NPDC1: variants seen among roughly 807,000 people sequenced by gnomAD.
NPDC1 encodes neural proliferation, differentiation and control 1.
NPDC1 carries 18 observed loss-of-function variants against 32.5 expected under a neutral mutation model. That is an observed-to-expected ratio of 0.55 (90% confidence interval 0.38 to 0.82). NPDC1 has a LOEUF of 0.82. NPDC1 is among the 40% of genes least tolerant of loss of function. The probability of loss-of-function intolerance (pLI) is 0.00; values close to 1 mark genes in which losing one functional copy is unlikely to be tolerated. For synonymous variants in NPDC1, 210 were observed against 184.7 expected (o/e 1.14, Z -1.11); for missense variants, 468 against 406.6 (o/e 1.15, Z -1.30).
chr9:137,040,072 G>T lies in NPDC1; in HGVS notation c.789-5C>A. The T allele has an allele frequency of 1.3e-6, 1 of 777,060 alleles. No individual in the cohort carries two copies. 48.1% of individuals were successfully genotyped at this position (777,060 alleles called of 1,614,324 possible). ...TCCTTGGGTGGCTCTTTATGCCTGGGTGGGGGGGGATCGCTGGGTCCTCCC... is the reference window on the plus strand; with the variant it reads ...TCCTTGGGTGGCTCTTTATGCCTGGTTGGGGGGGGATCGCTGGGTCCTCCC... On this transcript the variant is annotated splice_polypyrimidine_tract_variant and splice_region_variant and intron_variant, in intron 7 of 8. Transcript: ENST00000371601.
At position 137,040,542 on chromosome 9, in the gene NPDC1, G is replaced by A. The variant is rs1162597531; in HGVS notation, c.680C>T (p.Pro227Leu). Residue 227 changes from proline to leucine, a missense_variant, in exon 6 of 9, where the codon CCT becomes CTT. Physicochemically the swap from Pro to Leu is moderately conservative, Grantham distance 98. Coordinates refer to ENST00000371601, the MANE Select transcript of NPDC1 (RefSeq NM_015392.4). ...QKADYATAKA[P>L]GSPAAPRISP... Reference sequence around the variant, plus strand: ...GATCCGGGGAGCTGCAGGTGAGCCAGGGGCCTTCGCAGTGGCGTAGTCGGC... The same window carrying A: ...GATCCGGGGAGCTGCAGGTGAGCCAAGGGCCTTCGCAGTGGCGTAGTCGGC... The A allele has an allele frequency of 5.0e-6, 8 of 1,589,200 alleles. No homozygotes were observed. Among genetic ancestry groups the A allele is most frequent in the Middle Eastern group, 1.7e-4 (1 of 6,034 alleles).
intron 1 of NPDC1, among the ~76,000 whole-genome samples, chr9:137,044,551 G>A (rs1832103179): frequency 6.6e-6 from 1 of 152,134 alleles, no homozygotes; most frequent in African/African-American, 2.4e-5. Flanking sequence ...CTGAAAAGAG[G>A]TCGCAGGAAC....
chr9:137,043,333 AGAAGCTGAGTCTCG>A, intron 1 of NPDC1: 1 of 717,504 alleles, frequency 1.4e-6, no homozygotes, highest in Non-Finnish European at 2.6e-6. Flanking sequence ...CCCTCAGCTC[AGAAGCTGAGTCTCG>A]CCGTCCAGGC....
intron 1 of NPDC1, chr9:137,043,513 C>G (rs998401867): frequency 8.2e-6 from 5 of 609,172 alleles, no homozygotes; most frequent in Non-Finnish European, 3.0e-6. Context: ...ATGCCGCCAG[C>G]GACCTCTCCT....
In NPDC1 at chr9:137,045,891, G is replaced by A. The variant is rs1832123134; in HGVS notation, c.99C>T (p.Ala33=). ...LVLGAALRGA[A]AGHPDVAACP... ...GCGCTCGCTCACCCGGGTGGCCGGC[G>A]GCGGCTCCACGCAGGGCGGCGCCGA... is the stretch of plus-strand genomic sequence containing the variant. The change falls in exon 1 of 9, where the codon GCC becomes GCT. Residue 33 remains alanine, a synonymous_variant. Coordinates refer to ENST00000371601, the MANE Select transcript of NPDC1 (RefSeq NM_015392.4). The A allele has an allele frequency of 6.3e-6, 7 of 1,111,674 alleles. No homozygotes were observed. Among genetic ancestry groups the A allele is most frequent in the Non-Finnish European group, 7.7e-6 (7 of 911,820 alleles). 68.9% of individuals were successfully genotyped at this position (1,111,674 alleles called of 1,614,324 possible).
At chr9:137,045,279 G>A (rs939583267) in intron 1 of NPDC1, among the ~76,000 whole-genome samples, 12 of 152,256 alleles carry the variant, frequency 7.9e-5, no homozygotes, top group African/African-American at 2.9e-4. Context: ...GGATGCAGGC[G>A]GAGGCTCTGA....
chr9:137,045,412 T>C (rs1832114931), intron 1 of NPDC1, among the ~76,000 whole-genome samples: 2 of 151,928 alleles, frequency 1.3e-5, no homozygotes, highest in African/African-American at 4.8e-5. Flanking sequence ...ACCCAAGGCG[T>C]GAGGACAGGC....
chr9:137,041,917 T>G (rs1832062287), intron 2 of NPDC1, among the ~76,000 whole-genome samples: 1 of 152,130 alleles, frequency 6.6e-6, no homozygotes, highest in South Asian at 2.1e-4. Context: ...CCTTCAACAT[T>G]TGCCAACAGG....
At chr9:137,043,437 G>A (rs1339810813) in intron 1 of NPDC1, 1 of 656,242 alleles carries the variant, frequency 1.5e-6, no homozygotes, top group Non-Finnish European at 2.9e-6. Context: ...AGCAAGCCAG[G>A]AACCCCGTCC....
chr9:137,040,588 C>T lies in NPDC1; in HGVS notation c.634G>A (p.Glu212Lys). Residue 212 changes from glutamate (E) to lysine (K), a missense_variant, in exon 6 of 9, where the codon GAG (glutamate) becomes AAG (lysine). By Grantham distance (56) the Glu-to-Lys change is moderately conservative. Transcript: ENST00000371601. Reference sequence around the variant, plus strand: ...TCGGCCTTCTGAGTCAGGCGGATCTCACGCTGCAGCCTGTGGGGAGTGGGG... The same window carrying T: ...TCGGCCTTCTGAGTCAGGCGGATCTTACGCTGCAGCCTGTGGGGAGTGGGG... ...ASLCWCRLQREIRLTQKADYA... is the reference protein window; with the variant it reads ...ASLCWCRLQRKIRLTQKADYA... 2 of 1,571,892 alleles carry T rather than the reference C, an allele frequency of 1.3e-6. No individual in the cohort carries two copies. The highest frequency in any genetic ancestry group is 2.3e-5 in the South Asian group (2 of 86,162).
At position 137,045,918 on chromosome 9, in the gene NPDC1, G is replaced by T. The variant is rs1261220245; in HGVS notation, c.72C>A (p.Val24=). 79 of 1,165,242 alleles carry T rather than the reference G, an allele frequency of 6.8e-5. No individual in the cohort carries two copies. The highest frequency in any genetic ancestry group is 8.4e-5 in the Non-Finnish European group (79 of 945,620). 72.2% of individuals were successfully genotyped at this position (1,165,242 alleles called of 1,614,324 possible). The change falls in exon 1 of 9, where the codon GTC becomes GTA. Residue 24 remains valine (V), a synonymous_variant. Coordinates refer to ENST00000371601, the MANE Select transcript of NPDC1 (RefSeq NM_015392.4). Reference sequence around the variant, plus strand: ...CGGCTCCACGCAGGGCGGCGCCGAGGACGAGGCCGGAGAGCAGCAGCCGCA... The same window carrying T: ...CGGCTCCACGCAGGGCGGCGCCGAGTACGAGGCCGGAGAGCAGCAGCCGCA... ...RLLRLLLSGL[V]LGAALRGAAA... is the part of the protein sequence containing the mutation.
Position 137,039,854 on chromosome 9 carries a change from A to G in NPDC1, c.896T>C (p.Met299Thr). ...GTCGAACAGAGGGTTGCGCACCTCCATTTCCCCGGTCTGCGAATGTGGGTG... is the reference window on the plus strand; with the variant it reads ...GTCGAACAGAGGGTTGCGCACCTCCGTTTCCCCGGTCTGCGAATGTGGGTG... ...ECPGLAPTGE[M>T]EVRNPLFDHA... The change falls in exon 9 of 9, where the codon ATG becomes ACG. Residue 299 changes from methionine to threonine, a missense_variant. Transcript: ENST00000371601. The G allele has an allele frequency of 1.3e-6, 1 of 779,158 alleles. No homozygotes were observed. The highest frequency in any genetic ancestry group is 1.3e-5 in the South Asian group (1 of 74,612). The allele number at this position is 779,158 out of a possible 1,614,324, so 48.3% of individuals were successfully genotyped here. A position where few individuals can be genotyped will look rare whatever the true frequency, so the allele number is the denominator to read the frequency against.
intron 1 of NPDC1, among the ~76,000 whole-genome samples, chr9:137,044,919 C>CCA (rs1291602767): frequency 6.6e-6 from 1 of 152,238 alleles, no homozygotes; most frequent in Non-Finnish European, 1.5e-5. Context: ...CCCCTTGAGG[C>CCA]CACACACACA....
rs996885660 is a variant in NPDC1, at chr9:137,040,314, G to GGGGT, written c.788+39_788+42dup. ...GAAATGGAGGTGGAGGTGGGGATGGGGGGTGGGTGGGTGGGGGTGGCAGTG... is the reference window on the plus strand; with the variant it reads ...GAAATGGAGGTGGAGGTGGGGATGGGGGGTGGGTGGGTGGGTGGGGGTGGCAGTG... On this transcript the variant is annotated intron_variant, in intron 7 of 8. Coordinates refer to ENST00000371601, the MANE Select transcript of NPDC1 (RefSeq NM_015392.4). The GGGGT allele has an allele frequency of 4.7e-6, 7 of 1,489,782 alleles. No homozygotes were observed. The African/African-American group carries it at 5.7e-5, about 12-fold the overall frequency. The allele number at this position is 1,489,782 out of a possible 1,614,324, so 92.3% of individuals were successfully genotyped here.
In NPDC1 at chr9:137,041,047, A is replaced by G. The variant is rs1237637494; in HGVS notation, c.385+15T>C. 1 of 1,519,168 alleles carries G rather than the reference A, an allele frequency of 6.6e-7. No homozygotes were observed. Among genetic ancestry groups the G allele is most frequent in the Non-Finnish European group, 8.8e-7 (1 of 1,135,002 alleles). 94.1% of individuals were successfully genotyped at this position (1,519,168 alleles called of 1,614,324 possible). ...TAGGGACAGGGCCGTGGGGCAGGGG[A>G]AGCGGGGGTCTCACCAGGCTCCGGG... On this transcript the variant is annotated intron_variant, in intron 3 of 8. Coordinates refer to ENST00000371601, the MANE Select transcript of NPDC1 (RefSeq NM_015392.4).
Position 137,043,511 on chromosome 9 carries a change from A to T in NPDC1, c.113-438T>A. On this transcript the variant is annotated intron_variant, in intron 1 of 8. Transcript: ENST00000371601. ...CTGGGGAGCAGCAAACGATGCCGCC[A>T]GCGACCTCTCCTTCCCGTGCGGCTC... is the stretch of plus-strand genomic sequence containing the variant. 4.9e-6 allele frequency: 3 copies of T among 610,082 alleles called. 1 individual carries two copies. Among genetic ancestry groups the T allele is most frequent in the Non-Finnish European group, 9.0e-6 (3 of 333,444 alleles). 37.8% of individuals were successfully genotyped at this position (610,082 alleles called of 1,614,324 possible). A position where few individuals can be genotyped will look rare whatever the true frequency, so the allele number is the denominator to read the frequency against.
At chr9:137,042,819 C>T in intron 2 of NPDC1, 108 bp downstream of exon 2, 1 of 1,361,288 alleles carries the variant, frequency 7.3e-7, no homozygotes, top group Non-Finnish European at 1.0e-6. Context: ...GGGCCTCCCA[C>T]AGTGCTGGGA....
Position 137,042,595 on chromosome 9 carries a change from C to A in NPDC1, c.259+332G>T, listed in dbSNP as rs532635432. Among the ~76,000 whole-genome samples the A allele has an allele frequency of 1.8e-3, 257 of 141,284 alleles. 2 individuals carry two copies. Among genetic ancestry groups the A allele is most frequent in the African/African-American group, 6.6e-3 (245 of 37,310 alleles). 92.7% of individuals were successfully genotyped at this position (141,284 alleles called of 152,430 possible). The stretch of plus-strand genomic sequence containing the variant: ...TTTTTTTTTTTGAGACAGAGTCTCG[C>A]ACTGTCGCCCAGGCTGGAGTGCAGT... On this transcript the variant is annotated intron_variant, in intron 2 of 8. Coordinates refer to ENST00000371601, the MANE Select transcript of NPDC1 (RefSeq NM_015392.4).
chr9:137,045,971 G>T lies in NPDC1; in HGVS notation c.19C>A (p.Pro7Thr), dbSNP rs879804547. MATPLP[P>T]PSPRHLRLLR... is the part of the protein sequence containing the mutation. ...AGCCGCAGGTGCCGCGGGGAGGGCG[G>T]AGGCAGCGGCGTCGCCATCCTTCAG... The change falls in exon 1 of 9, where the codon CCG becomes ACG. Residue 7 changes from proline (P) to threonine (T), a missense_variant. By Grantham distance (38) the Pro-to-Thr change is conservative (BLOSUM62 -1). Coordinates refer to ENST00000371601, the MANE Select transcript of NPDC1 (RefSeq NM_015392.4). 1.7e-6 allele frequency: 2 copies of T among 1,192,732 alleles called. No homozygotes were observed. Among genetic ancestry groups the T allele is most frequent in the Non-Finnish European group, 2.1e-6 (2 of 962,768 alleles). 73.9% of individuals were successfully genotyped at this position (1,192,732 alleles called of 1,614,324 possible).
Sources: allele counts gnomAD v4.1 joint callset (sites outside exome capture counted in the v4.1 genomes callset), GRCh38; gene constraint gnomAD v4.1.1; transcripts MANE v1.5; gene names NCBI Gene and HGNC (gene_info 2026-07-23, HGNC 2026-07-21).